Variants in ELMOD3 observed in about 807,000 individuals in gnomAD.
ELMOD3 encodes the protein ELMO domain containing 3.
In ELMOD3, 36 loss-of-function variants were observed where a neutral mutation model predicts 47.4. The observed-to-expected ratio is 0.76, with a 90% CI of 0.58 to 1.00. The LOEUF (loss-of-function observed/expected upper bound fraction) is 1.00. Ranked by LOEUF, ELMOD3 falls within the 50% of genes least tolerant of loss-of-function variation. The pLI is 0.00. For synonymous variants in ELMOD3, 149 were observed against 183.5 expected (o/e 0.81, Z 1.52); for missense variants, 404 against 463.8 (o/e 0.87, Z 1.18).
In ELMOD3 at chr2:85,391,556, G is replaced by T. The variant is rs765173318; in HGVS notation, c.*594G>T. ...CACTTACCCACTCTCTTCTCCCCCT[G>T]ACCCCCGCTCCATTGTTTATGATGG... On this transcript the variant is annotated 3_prime_UTR_variant, in exon 14 of 14. Transcript: ENST00000409013. The T allele has an allele frequency of 1.3e-5, 2 of 153,510 alleles. No homozygotes were observed. Among genetic ancestry groups the T allele is most frequent in the Non-Finnish European group, 2.9e-5 (2 of 68,858 alleles). The allele number at this position is 153,510 out of a possible 1,614,324, so 9.5% of individuals were successfully genotyped here. A position where few individuals can be genotyped will look rare whatever the true frequency, so the allele number is the denominator to read the frequency against.
intron 10 of ELMOD3, among the ~76,000 whole-genome samples, chr2:85,374,079 T>C (rs1389838087): frequency 6.6e-6 from 1 of 152,144 alleles, no homozygotes; most frequent in Non-Finnish European, 1.5e-5. Context: ...GGTTGACAGT[T>C]CTTTTTTTTC....
At chr2:85,362,303 G>A in intron 5 of ELMOD3, 43 bp downstream of exon 5, 1 of 1,199,610 alleles carries the variant, frequency 8.3e-7, no homozygotes, top group Non-Finnish European at 1.2e-6. Context: ...CAGGGCTTTT[G>A]TTGTGTGTTA....
intron 5 of ELMOD3, 137 bp from the exon 6 acceptor site, chr2:85,362,960 T>G (rs1684089311): frequency 1.8e-6 from 1 of 555,442 alleles, no homozygotes; most frequent in Non-Finnish European, 3.2e-6. Context: ...AAAACTGACT[T>G]CAGTCAACCC....
chr2:85,376,097 C>T lies in ELMOD3; in HGVS notation c.608-1247C>T, dbSNP rs553563781. Among the ~76,000 whole-genome samples the T allele has an allele frequency of 6.6e-6, 1 of 152,306 alleles. No homozygotes were observed. Among genetic ancestry groups the T allele is most frequent in the South Asian group, 2.1e-4 (1 of 4,832 alleles). On this transcript the variant is annotated intron_variant, in intron 10 of 13. Coordinates refer to ENST00000409013, the MANE Select transcript of ELMOD3 (RefSeq NM_001135022.2). The surrounding 1 kb of genome is among the most constrained non-coding windows in gnomAD (Gnocchi z 4.2). ...ATAACATAGTCATAGCTTCTGGGGACATGGTCATCGTGGGGCGGGGGGATT... is the reference window on the plus strand; with the variant it reads ...ATAACATAGTCATAGCTTCTGGGGATATGGTCATCGTGGGGCGGGGGGATT...
intron 11 of ELMOD3, among the ~76,000 whole-genome samples, chr2:85,382,662 C>T (rs892847181): frequency 4.0e-5 from 6 of 151,728 alleles, no homozygotes; most frequent in African/African-American, 9.7e-5. Flanking sequence ...ACTACAGGCG[C>T]GTGCCACTAT....
chr2:85,371,597 G>A, intron 10 of ELMOD3, 35 bp downstream of exon 10: 1 of 1,612,850 alleles, frequency 6.2e-7, no homozygotes. Context: ...TCTTTTTCAT[G>A]CCTCTGATTC....
chr2:85,367,225 C>T (rs757209163), intron 6 of ELMOD3, among the ~76,000 whole-genome samples: 9 of 152,172 alleles, frequency 5.9e-5, no homozygotes, highest in Non-Finnish European at 7.3e-5. Flanking sequence ...ATGATAAGCA[C>T]GGGTTGTCAG....
At chr2:85,365,024 G>T in intron 6 of ELMOD3, among the ~76,000 whole-genome samples, 1 of 148,894 alleles carries the variant, frequency 6.7e-6, no homozygotes, top group East Asian at 1.9e-4. Context: ...TGCCCAGGCT[G>T]GTCTCAAACT....
intron 11 of ELMOD3, among the ~76,000 whole-genome samples, chr2:85,385,998 C>T (rs1033948798): frequency 4.6e-5 from 7 of 152,166 alleles, no homozygotes; most frequent in Admixed American, 4.6e-4. Flanking sequence ...GCGGTGGGCT[C>T]TGTACAGCAT....
At chr2:85,377,205 C>A in intron 10 of ELMOD3, 139 bp from the exon 11 acceptor site, 1 of 752,050 alleles carries the variant, frequency 1.3e-6, no homozygotes. Context: ...ATGAGCCCCA[C>A]AAGTGTGGCA....
At chr2:85,378,158 T>G (rs941620108) in intron 11 of ELMOD3, among the ~76,000 whole-genome samples, 6 of 152,366 alleles carry the variant, frequency 3.9e-5, no homozygotes, top group African/African-American at 1.4e-4. Flanking sequence ...ACTTCTTCAT[T>G]ATGGCTAGCA....
In ELMOD3 at chr2:85,391,036, C is replaced by A; in HGVS notation, c.*74C>A. 2.1e-6 allele frequency: 3 copies of A among 1,405,574 alleles called. No individual in the cohort carries two copies. Among genetic ancestry groups the A allele is most frequent in the Non-Finnish European group, 2.9e-6 (3 of 1,033,596 alleles). 87.1% of individuals were successfully genotyped at this position (1,405,574 alleles called of 1,614,324 possible). A position where few individuals can be genotyped will look rare whatever the true frequency, so the allele number is the denominator to read the frequency against. ...GGGGTCAGTGGAGCCATGTCAGGAG[C>A]CTGGCCAGGCCGCACCCCTTGCTGT... is the stretch of plus-strand genomic sequence containing the variant. On this transcript the variant is annotated 3_prime_UTR_variant, in exon 14 of 14. Coordinates refer to ENST00000409013, the MANE Select transcript of ELMOD3 (RefSeq NM_001135022.2).
At chr2:85,385,304 C>A (rs1433720514) in intron 11 of ELMOD3, among the ~76,000 whole-genome samples, 1 of 152,200 alleles carries the variant, frequency 6.6e-6, no homozygotes, top group Non-Finnish European at 1.5e-5. Context: ...TTTGTGTGAG[C>A]AACAAGGCTG....
intron 6 of ELMOD3, among the ~76,000 whole-genome samples, chr2:85,364,150 T>G (rs1189013667): frequency 2.7e-5 from 4 of 149,822 alleles, no homozygotes; most frequent in South Asian, 2.2e-4. Flanking sequence ...TTTTTTTTTT[T>G]TTTTGTTAGG....
chr2:85,389,430 G>A, intron 11 of ELMOD3: 1 of 374,730 alleles, frequency 2.7e-6, no homozygotes, highest in South Asian at 3.2e-5. Context: ...TGGGTCTGCT[G>A]CAGGCCAAGG....
At chr2:85,375,917 C>A (rs1299347510) in intron 10 of ELMOD3, among the ~76,000 whole-genome samples, 1 of 152,234 alleles carries the variant, frequency 6.6e-6, no homozygotes, top group African/African-American at 2.4e-5. Flanking sequence ...TTCCTCACAT[C>A]TCTTTCTCTG....
At chr2:85,357,303 A>G (rs1573076053) in intron 4 of ELMOD3, 51 bp downstream of exon 4, 2 of 1,184,564 alleles carry the variant, frequency 1.7e-6, no homozygotes, top group Non-Finnish European at 2.5e-6. Flanking sequence ...GAGATATATC[A>G]TTAAGTATAG....
intron 7 of ELMOD3, 94 bp downstream of exon 7, chr2:85,368,848 AG>A: frequency 7.7e-7 from 1 of 1,300,164 alleles, no homozygotes; most frequent in East Asian, 2.4e-5. Flanking sequence ...GTCTGGGACT[AG>A]GAGATAGAAT....
intron 8 of ELMOD3, 59 bp downstream of exon 8, chr2:85,369,889 C>T (rs1325632729): frequency 1.9e-6 from 3 of 1,595,030 alleles, no homozygotes; most frequent in South Asian, 1.1e-5. Flanking sequence ...AGGAGCCAAG[C>T]CTCTATCCCA....
Sources: allele counts gnomAD v4.1 joint callset (sites outside exome capture counted in the v4.1 genomes callset), GRCh38; gene constraint gnomAD v4.1.1; non-coding constraint Gnocchi (gnomAD v3.1); transcripts MANE v1.5; gene names NCBI Gene and HGNC (gene_info 2026-07-23, HGNC 2026-07-21).